CENPE: variants seen among roughly 807,000 people sequenced by gnomAD.
CENPE encodes the protein centromere protein E, also known as centromere-associated protein E.
A neutral mutation model predicts 336.1 loss-of-function variants in CENPE; 145 were observed. That is an observed-to-expected ratio of 0.43 (90% CI 0.38 to 0.50). The LOEUF is 0.50. Ranked by LOEUF, CENPE falls within the 20% of genes least tolerant of loss-of-function variation. CENPE has a pLI of 0.00. For missense variants in CENPE, 2,719 were observed against 3,023.3 expected (o/e 0.90, Z 2.36); for synonymous variants, 1,013 against 984.8 (o/e 1.03, Z -0.54).
chr4:103,149,358 C>A lies in CENPE; in HGVS notation c.3447G>T (p.Glu1149Asp). Residue 1149 changes from glutamate to aspartate, a missense_variant, in exon 27 of 49, where the codon GAG becomes GAT. Coordinates refer to ENST00000265148, the MANE Select transcript of CENPE (RefSeq NM_001813.3). ...TAATCTTTTTCTGCATCTCACTCATCTCTTCTTGTACATTAAGAAGTTGTT... is the reference window on the plus strand; with the variant it reads ...TAATCTTTTTCTGCATCTCACTCATATCTTCTTGTACATTAAGAAGTTGTT... ...KQQQLLNVQEEMSEMQKKINE... is the reference protein window; with the variant it reads ...KQQQLLNVQEDMSEMQKKINE... The A allele has an allele frequency of 6.2e-7, 1 of 1,605,774 alleles. No individual in the cohort carries two copies. Among genetic ancestry groups the A allele is most frequent in the Non-Finnish European group, 8.5e-7 (1 of 1,178,440 alleles).
chr4:103,127,286 C>T (rs1320518791), intron 42 of CENPE, among the ~76,000 whole-genome samples: 1 of 152,018 alleles, frequency 6.6e-6, no homozygotes, highest in Non-Finnish European at 1.5e-5. Flanking sequence ...TTCTCTGAAG[C>T]TATTCAAGCT....
At position 103,108,974 on chromosome 4, in the gene CENPE, T is replaced by C. The variant is rs765357756; in HGVS notation, c.7840A>G (p.Thr2614Ala). The C allele has an allele frequency of 1.2e-6, 2 of 1,613,898 alleles. No individual in the cohort carries two copies. The change falls in exon 48 of 49, where the codon ACA (threonine) becomes GCA (alanine). Residue 2614 changes from threonine to alanine, a missense_variant. Thr to Ala is a moderately conservative substitution (Grantham distance 58). This residue lies in a region of CENPE where 2,437 missense variants were observed against 2,513.3 expected (regional missense o/e 0.97). Transcript: ENST00000265148. ...NSPKSPKVTG[T>A]ASKKKQITPS... ...GTAATTTGTTTCTTTTTAGAAGCTGTTCCAGTCACTTTAGGAGACTTTGGA... is the reference window on the plus strand; with the variant it reads ...GTAATTTGTTTCTTTTTAGAAGCTGCTCCAGTCACTTTAGGAGACTTTGGA...
At chr4:103,120,065 A>C (rs1750475700) in intron 44 of CENPE, 83 bp downstream of exon 44, 3 of 974,226 alleles carry the variant, frequency 3.1e-6, no homozygotes, top group Non-Finnish European at 3.0e-6. Flanking sequence ...GAGAGGGAAG[A>C]ATAGAGCACA....
rs1757590466 is a variant in CENPE at position 103,194,454 on chromosome 4, G to A, written c.560-13C>T. ...TAATGCCTGCTCTCTGTAAAAATGAGTTATATTTCAGCTGCATATATAATA... is the reference window on the plus strand; with the variant it reads ...TAATGCCTGCTCTCTGTAAAAATGAATTATATTTCAGCTGCATATATAATA... On this transcript the variant is annotated splice_polypyrimidine_tract_variant and intron_variant, in intron 6 of 48. Transcript: ENST00000265148. The A allele has an allele frequency of 6.3e-7, 1 of 1,582,922 alleles. No homozygotes were observed. The highest frequency in any genetic ancestry group is 8.6e-7 in the Non-Finnish European group (1 of 1,160,320).
At chr4:103,123,994 C>T (rs61088886) in intron 42 of CENPE, among the ~76,000 whole-genome samples, 1,633 of 152,144 alleles carry the variant, frequency 0.011, 23 homozygotes, top group African/African-American at 0.034. Flanking sequence ...TGAGAGAGTC[C>T]ACATTCATAT....
At chr4:103,111,832 A>G (rs1245484106) in intron 46 of CENPE, among the ~76,000 whole-genome samples, 2 of 152,132 alleles carry the variant, frequency 1.3e-5, no homozygotes, top group African/African-American at 4.8e-5. Flanking sequence ...GGTACTAGGT[A>G]ACACCTTAAC....
intron 46 of CENPE, 147 bp from the exon 47 acceptor site, chr4:103,111,158 C>T: frequency 1.9e-6 from 1 of 532,702 alleles, no homozygotes. Context: ...TGACTTCTGC[C>T]TTCTACCTTA....
intron 38 of CENPE, among the ~76,000 whole-genome samples, chr4:103,138,729 C>A (rs1432271308): frequency 6.6e-6 from 1 of 152,050 alleles, no homozygotes; most frequent in African/African-American, 2.4e-5. Context: ...TAGGGCCAGG[C>A]ATGGTAGCTC....
At chr4:103,119,737 C>T (rs1054523097) in intron 44 of CENPE, among the ~76,000 whole-genome samples, 15 of 152,174 alleles carry the variant, frequency 9.9e-5, no homozygotes, top group Admixed American at 6.5e-4. Context: ...ATTTCAGTTA[C>T]GGTTCTTCCC....
rs114755616 is a variant in CENPE, at chr4:103,147,457, T to G, written c.4033A>C (p.Lys1345Gln). 11 of 1,613,950 alleles carry G rather than the reference T, an allele frequency of 6.8e-6. No individual in the cohort carries two copies. The African/African-American group carries it at 1.2e-4, about 18-fold the overall frequency. ...TTGTCTCTTTCCTTGGTTAGAGATT[T>G]TATCTCTTCCTGACTTTCTTGAAAT... ...EKFQESQEEI[K>Q]SLTKERDNLK... Residue 1345 changes from lysine to glutamine, a missense_variant, in exon 29 of 49, where the codon AAA becomes CAA. Physicochemically the swap from Lys to Gln is moderately conservative, Grantham distance 53 (BLOSUM62 1). Transcript: ENST00000265148.
chr4:103,172,402 C>T (rs1322708146), intron 16 of CENPE, among the ~76,000 whole-genome samples: 1 of 151,798 alleles, frequency 6.6e-6, no homozygotes, highest in South Asian at 2.1e-4. Flanking sequence ...GAGTTCAATA[C>T]CTCTTCATGA....
intron 47 of CENPE, 51 bp from the exon 48 acceptor site, chr4:103,109,140 G>C: frequency 7.2e-7 from 1 of 1,382,404 alleles, no homozygotes; most frequent in Non-Finnish European, 9.9e-7. Flanking sequence ...TGATTCTTAA[G>C]ATGTATTCAC....
chr4:103,166,207 G>C (rs1223579860), intron 16 of CENPE, among the ~76,000 whole-genome samples: 1 of 152,292 alleles, frequency 6.6e-6, no homozygotes, highest in South Asian at 2.1e-4. Context: ...GTGAGCATCT[G>C]GTCTCTACTT....
chr4:103,163,319 CA>C, intron 17 of CENPE, 63 bp from the exon 18 acceptor site: 1 of 1,436,280 alleles, frequency 7.0e-7, no homozygotes, highest in South Asian at 1.3e-5. Context: ...GGGATTAAAA[CA>C]GAACTTATAT....
chr4:103,172,041 CAGA>C (rs1755458455), intron 16 of CENPE, among the ~76,000 whole-genome samples: 1 of 151,904 alleles, frequency 6.6e-6, no homozygotes, highest in Non-Finnish European at 1.5e-5. Flanking sequence ...CCAACAGTTA[CAGA>C]AGAACTAATA....
intron 20 of CENPE, 117 bp from the exon 21 acceptor site, chr4:103,160,896 C>A: frequency 9.7e-7 from 1 of 1,025,896 alleles, no homozygotes; most frequent in Non-Finnish European, 1.4e-6. Flanking sequence ...GAAAAATAAT[C>A]CCTTATGATT....
At chr4:103,171,431 G>A (rs1164345425) in intron 16 of CENPE, among the ~76,000 whole-genome samples, 2 of 151,918 alleles carry the variant, frequency 1.3e-5, no homozygotes, top group Non-Finnish European at 2.9e-5. Context: ...CTGGGTTAAT[G>A]AATTAAAAGA....
chr4:103,165,696 G>A (rs1344310444), intron 16 of CENPE, among the ~76,000 whole-genome samples: 3 of 151,992 alleles, frequency 2.0e-5, no homozygotes, highest in African/African-American at 7.3e-5. Context: ...CGAATTAAAA[G>A]TAAAGGGCCT....
At chr4:103,152,443 T>C (rs1358825504) in intron 25 of CENPE, among the ~76,000 whole-genome samples, 2 of 152,210 alleles carry the variant, frequency 1.3e-5, no homozygotes, top group Non-Finnish European at 2.9e-5. Flanking sequence ...ATGATATAAT[T>C]ACTTTGGAAA....
Sources: allele counts gnomAD v4.1 joint callset (sites outside exome capture counted in the v4.1 genomes callset), GRCh38; gene constraint gnomAD v4.1.1; regional missense constraint gnomAD v4.1.1; transcripts MANE v1.5; gene names NCBI Gene and HGNC (gene_info 2026-07-23, HGNC 2026-07-21).